KANK1: variants seen among roughly 807,000 people sequenced by gnomAD.
KANK1 encodes KN motif and ankyrin repeat domain-containing protein 1.
In KANK1, 109 loss-of-function variants were observed where a neutral mutation model predicts 106.2. The ratio of observed to expected loss-of-function variants is 1.03; its 90% CI spans 0.88 to 1.20. The LOEUF (loss-of-function observed/expected upper bound fraction) is 1.20, where lower values mean the gene tolerates loss of function less well. Among genes scored for constraint, KANK1 ranks in the 50% most tolerant of loss-of-function variants. KANK1 has a pLI of 0.00. For synonymous variants in KANK1, 873 were observed against 652.2 expected (o/e 1.34, Z -5.16); for missense variants, 2,399 against 1,710.7 (o/e 1.40, Z -7.10).
rs1204964994 is a variant in KANK1, at chr9:744,811, T to C, written c.3996+222T>C. The C allele has an allele frequency of 7.6e-6, 11 of 1,437,982 alleles. No individual in the cohort carries two copies. The Admixed American group carries it at 1.1e-4, about 14-fold the overall frequency. 89.1% of individuals were successfully genotyped at this position (1,437,982 alleles called of 1,614,324 possible). A position where few individuals can be genotyped will look rare whatever the true frequency, so the allele number is the denominator to read the frequency against. On this transcript the variant is annotated intron_variant, in intron 11 of 11. Transcript: ENST00000382297. ...ACCTTGCTTGTCCTTGCAAGACATA[T>C]GCTCACAGCTTCCCATAGAGGTTTT...
rs755201276 is a variant in KANK1, at chr9:647,832, G to C, written c.-83-29058G>C. 1.5e-4 allele frequency among the ~76,000 whole-genome samples: 23 copies of C among 150,392 alleles called. 1 individual carries two copies. Among genetic ancestry groups the C allele is most frequent in the Non-Finnish European group, 3.2e-4 (22 of 67,984 alleles). Reference sequence around the variant, plus strand: ...TAGCCCGCAATCCCAGATCTTCCATGGGTAATTTTGGGAAAGTGTTTTTCA... The same window carrying C: ...TAGCCCGCAATCCCAGATCTTCCATCGGTAATTTTGGGAAAGTGTTTTTCA... On this transcript the variant is annotated intron_variant, in intron 1 of 11. Transcript: ENST00000382297.
chr9:634,286 A>T lies in KANK1; in HGVS notation c.-83-42604A>T, dbSNP rs144349250. On this transcript the variant is annotated intron_variant, in intron 1 of 11. Coordinates refer to ENST00000382297, the MANE Select transcript of KANK1 (RefSeq NM_015158.5). ...ATTGGTTGAGGATGAAATCATAGGGATGTGCAAAATGGTCTAATCCTGTGC... is the reference window on the plus strand; with the variant it reads ...ATTGGTTGAGGATGAAATCATAGGGTTGTGCAAAATGGTCTAATCCTGTGC... Among the ~76,000 whole-genome samples, 782 of 152,144 alleles carry T rather than the reference A, an allele frequency of 5.1e-3. 2 individuals are homozygous for T. The highest frequency in any genetic ancestry group is 6.6e-3 in the Non-Finnish European group (449 of 68,014).
chr9:698,165 G>A (rs780269604), intron 2 of KANK1, among the ~76,000 whole-genome samples: 2 of 152,204 alleles, frequency 1.3e-5, no homozygotes, highest in African/African-American at 4.8e-5. Context: ...TGGAAACAGC[G>A]TGCTGCCCGC....
At chr9:717,681 T>TA (rs1284954238) in intron 3 of KANK1, among the ~76,000 whole-genome samples, 2 of 152,034 alleles carry the variant, frequency 1.3e-5, no homozygotes, top group Non-Finnish European at 2.9e-5. Flanking sequence ...AAAATGTTGG[T>TA]AAAAAAAAGT....
At chr9:670,949 G>GTTTTTTGTTTTTTTTTTTT (rs1845739347) in intron 1 of KANK1, among the ~76,000 whole-genome samples, 1 of 103,044 alleles carries the variant, frequency 9.7e-6, no homozygotes, top group African/African-American at 3.3e-5. Flanking sequence ...GTCTGCTGGA[G>GTTTTTTGTTTTTTTTTTTT]TTTTTTTTTT....
chr9:628,453 G>C (rs1428612807), intron 1 of KANK1, among the ~76,000 whole-genome samples: 1 of 152,194 alleles, frequency 6.6e-6, no homozygotes, highest in Non-Finnish European at 1.5e-5. Context: ...TATTTTAATA[G>C]TTAACATCTG....
At chr9:743,396 G>C (rs1166905047) in intron 10 of KANK1, among the ~76,000 whole-genome samples, 1 of 152,200 alleles carries the variant, frequency 6.6e-6, no homozygotes, top group Non-Finnish European at 1.5e-5. Context: ...CCCTCTGTGG[G>C]AGGGAGAGCT....
chr9:573,130 G>A (rs544236204), intron 1 of KANK1, among the ~76,000 whole-genome samples: 3 of 152,154 alleles, frequency 2.0e-5, no homozygotes, highest in African/African-American at 7.2e-5. Flanking sequence ...CAAGTGCTGC[G>A]TGAGTTGATG....
In KANK1 at chr9:594,117, A is replaced by G. The variant is rs781713328; in HGVS notation, c.-83-82773A>G. On this transcript the variant is annotated intron_variant, in intron 1 of 11. Transcript: ENST00000382297. ...GGGCTGTGGACTTATGCAGAAGTGC[A>G]CTTGTTGGGGGTTTTCACAGTACCC... Among the ~76,000 whole-genome samples, 5 of 152,038 alleles carry G rather than the reference A, an allele frequency of 3.3e-5. No individual in the cohort carries two copies. In the South Asian group the frequency reaches 8.3e-4, roughly 25 times the overall value.
intron 1 of KANK1, among the ~76,000 whole-genome samples, chr9:578,377 T>TA (rs1821158740): frequency 6.6e-6 from 1 of 151,662 alleles, no homozygotes; most frequent in South Asian, 2.1e-4. Flanking sequence ...CCATGGAGGG[T>TA]AAAAAATGAA....
intron 11 of KANK1, 92 bp downstream of exon 11, chr9:744,681 T>C (rs747618800): frequency 6.2e-7 from 1 of 1,606,960 alleles, no homozygotes; most frequent in Non-Finnish European, 8.5e-7. Flanking sequence ...AGACAGATTT[T>C]ATGTTGATTC....
intron 3 of KANK1, among the ~76,000 whole-genome samples, chr9:482,734 T>C (rs1213469138): frequency 6.6e-6 from 1 of 152,254 alleles, no homozygotes. Context: ...TGTAAGCAGC[T>C]GCCATCTGCC....
At chr9:655,932 C>G (rs534924252) in intron 1 of KANK1, among the ~76,000 whole-genome samples, 5 of 152,232 alleles carry the variant, frequency 3.3e-5, no homozygotes, top group Admixed American at 2.0e-4. Context: ...TAACTGAGTC[C>G]CAGGATTCAC....
intron 2 of KANK1, among the ~76,000 whole-genome samples, chr9:695,237 AGAGAGCACTGT>A (rs1820947015): frequency 6.6e-6 from 1 of 152,164 alleles, no homozygotes; most frequent in South Asian, 2.1e-4. Flanking sequence ...ACAGTGTGTT[AGAGAGCACTGT>A]GCCCTGAGGA....
chr9:485,266 C>T (rs1261757424), intron 3 of KANK1, among the ~76,000 whole-genome samples: 1 of 152,186 alleles, frequency 6.6e-6, no homozygotes, highest in African/African-American at 2.4e-5. Flanking sequence ...ATGTGAACCC[C>T]TCAGAGTCAG....
At chr9:566,933 A>G (rs965985471) in intron 1 of KANK1, among the ~76,000 whole-genome samples, 1 of 152,122 alleles carries the variant, frequency 6.6e-6, no homozygotes, top group Non-Finnish European at 1.5e-5. Flanking sequence ...GCCCATTCCT[A>G]TGTCCGGAAT....
chr9:684,547 T>C (rs2139196210), intron 2 of KANK1: 1 of 985,468 alleles, frequency 1.0e-6, no homozygotes, highest in South Asian at 4.7e-5. Flanking sequence ...AACTCTGTGC[T>C]CTGCTCTTCC....
intron 1 of KANK1, among the ~76,000 whole-genome samples, chr9:664,599 C>A (rs1293774505): frequency 6.6e-6 from 1 of 152,116 alleles, no homozygotes; most frequent in African/African-American, 2.4e-5. Flanking sequence ...AGGTTGATTC[C>A]ATATTTTGTC....
At chr9:572,917 C>A (rs1176896272) in intron 1 of KANK1, among the ~76,000 whole-genome samples, 7 of 152,158 alleles carry the variant, frequency 4.6e-5, no homozygotes, top group African/African-American at 1.7e-4. Context: ...TTAGGACTTG[C>A]CTTTTCATAC....
Sources: gnomAD v4.1 joint callset for allele counts (sites outside exome capture counted in the v4.1 genomes callset) on GRCh38, gnomAD v4.1.1 for gene constraint, MANE v1.5 for transcripts, NCBI Gene and HGNC (gene_info 2026-07-23, HGNC 2026-07-21) for gene names.